Variants in PRSS23 observed in about 807,000 individuals in gnomAD.
PRSS23 encodes serine protease 23.
PRSS23 carries 25 observed loss-of-function variants against 34.7 expected under a neutral mutation model. The observed-to-expected ratio is 0.72, with a 90% confidence interval of 0.53 to 1.01. The LOEUF is 1.01. PRSS23 is among the 50% of genes least tolerant of loss of function. The probability of loss-of-function intolerance (pLI) is 0.00; values close to 1 mark genes in which losing one functional copy is unlikely to be tolerated. For synonymous variants in PRSS23, 176 were observed against 186.6 expected, an observed-to-expected ratio of 0.94 and a Z score of 0.46; for missense variants, 445 against 475.6, an observed-to-expected ratio of 0.94 and a Z score of 0.60.
chr11:86,880,168 G>A (rs373848011), intron 2 of PRSS23, among the ~76,000 whole-genome samples: 2 of 152,098 alleles, frequency 1.3e-5, no homozygotes, highest in Non-Finnish European at 1.5e-5. Flanking sequence ...GCTCTCTGAA[G>A]CATGTGCTGT....
chr11:86,828,951 G>T (rs1948327178), intron 2 of PRSS23, among the ~76,000 whole-genome samples: 1 of 151,960 alleles, frequency 6.6e-6, no homozygotes, highest in Non-Finnish European at 1.5e-5. Flanking sequence ...TTCAACTTTG[G>T]TGAATCTGAC....
chr11:86,834,423 G>A (rs1948386192), intron 2 of PRSS23, among the ~76,000 whole-genome samples: 1 of 152,006 alleles, frequency 6.6e-6, no homozygotes, highest in Non-Finnish European at 1.5e-5. Context: ...CCCAAACTAG[G>A]GGTCCTTCTA....
intron 2 of PRSS23, among the ~76,000 whole-genome samples, chr11:86,845,804 G>T (rs543216534): frequency 6.6e-6 from 1 of 152,232 alleles, no homozygotes; most frequent in East Asian, 1.9e-4. Context: ...AATGTTAACT[G>T]CTCATTTTTC....
chr11:86,952,498 CAA>C, exon 3 of PRSS23: 1 of 1,603,332 alleles, frequency 6.2e-7, no homozygotes, highest in Non-Finnish European at 8.5e-7. Flanking sequence ...TGAACACACA[CAA>C]AAAAAACAAT....
chr11:86,935,107 C>T (rs909725730), intron 2 of PRSS23: 3 of 152,232 alleles, frequency 2.0e-5, no homozygotes, highest in Non-Finnish European at 4.4e-5. Context: ...ACAGGGCCCC[C>T]AGGCAATAAC....
intron 2 of PRSS23, among the ~76,000 whole-genome samples, chr11:86,873,420 A>G (rs1035206120): frequency 1.3e-5 from 2 of 151,528 alleles, no homozygotes; most frequent in African/African-American, 4.9e-5. Flanking sequence ...AGCCTCCTAC[A>G]GGCATGCACC....
chr11:86,835,115 G>A (rs930241214), intron 2 of PRSS23, among the ~76,000 whole-genome samples: 2 of 152,238 alleles, frequency 1.3e-5, no homozygotes, highest in Non-Finnish European at 2.9e-5. Context: ...CAAGTGTGCA[G>A]TTGCAGCACT....
intron 2 of PRSS23, chr11:86,896,564 T>G (rs1346541643): frequency 1.3e-5 from 2 of 152,242 alleles, no homozygotes; most frequent in African/African-American, 2.4e-5. Flanking sequence ...ACCCTTTTTG[T>G]AATTCTCCCC....
chr11:86,857,581 GAC>G (rs1161306031), intron 2 of PRSS23: 1 of 491,584 alleles, frequency 2.0e-6, no homozygotes, highest in African/African-American at 2.0e-5. Flanking sequence ...AAACTAAGAA[GAC>G]ACAGAGGTGA....
chr11:86,801,510 T>A (rs1185250625), intron 1 of PRSS23, among the ~76,000 whole-genome samples: 3 of 152,180 alleles, frequency 2.0e-5, no homozygotes, highest in Non-Finnish European at 4.4e-5. Flanking sequence ...TAGGGCTTGC[T>A]TCTCTCAGCT....
chr11:86,848,876 A>T (rs1370896863), intron 2 of PRSS23, among the ~76,000 whole-genome samples: 1 of 152,242 alleles, frequency 6.6e-6, no homozygotes, highest in East Asian at 1.9e-4. Flanking sequence ...GGAGCAGGCC[A>T]ATTGCCTAGT....
intron 2 of PRSS23, among the ~76,000 whole-genome samples, chr11:86,860,735 GT>G (rs1948607100): frequency 6.6e-6 from 1 of 151,786 alleles, no homozygotes; most frequent in South Asian, 2.1e-4. Flanking sequence ...TTGGCCGGTG[GT>G]TTGACCCCCC....
Position 86,810,986 on chromosome 11 carries a change from A to G in PRSS23, c.*2191A>G, listed in dbSNP as rs1015573531. On this transcript the variant is annotated 3_prime_UTR_variant, in exon 2 of 2. Transcript: ENST00000280258. ...TGTTAGTTATACATATTAGAAGCAT[A>G]TTTGCCTAGTAAGGCTAGTAGAACC... 2 of 166,784 alleles carry G rather than the reference A, an allele frequency of 1.2e-5. No individual in the cohort carries two copies. The highest frequency in any genetic ancestry group is 2.4e-5 in the African/African-American group (1 of 41,462). The allele number at this position is 166,784 out of a possible 1,614,324, so 10.3% of individuals were successfully genotyped here. A position where few individuals can be genotyped will look rare whatever the true frequency, so the allele number is the denominator to read the frequency against.
intron 2 of PRSS23, among the ~76,000 whole-genome samples, chr11:86,868,480 T>C (rs1275796954): frequency 6.6e-6 from 1 of 152,072 alleles, no homozygotes; most frequent in African/African-American, 2.4e-5. Context: ...TGACCGATAT[T>C]AGGAGGAACA....
At chr11:86,815,819 C>G (rs1209310359), downstream of PRSS23, among the ~76,000 whole-genome samples, 13 of 152,160 alleles carry the variant, frequency 8.5e-5, no homozygotes, top group Non-Finnish European at 1.2e-4. Flanking sequence ...GAGTTCTGTG[C>G]TATCCATCAC....
intron 2 of PRSS23, chr11:86,823,739 G>C (rs1425707968): frequency 1.3e-5 from 8 of 616,732 alleles, no homozygotes; most frequent in Non-Finnish European, 8.8e-6. Flanking sequence ...GGGCGCGGTG[G>C]CTCACGCCTG....
chr11:86,835,836 C>T (rs927156371), intron 2 of PRSS23, among the ~76,000 whole-genome samples: 14 of 152,142 alleles, frequency 9.2e-5, no homozygotes, highest in African/African-American at 3.4e-4. Context: ...CTTGATGGCA[C>T]AAGGTTTCTG....
At chr11:86,879,855 C>G (rs1374718383) in intron 2 of PRSS23, among the ~76,000 whole-genome samples, 2 of 141,190 alleles carry the variant, frequency 1.4e-5, no homozygotes, top group East Asian at 2.3e-4. Context: ...CCAGCCGCCC[C>G]GTCCGGGAGG....
At chr11:86,854,894 C>T (rs1303354504) in intron 2 of PRSS23, among the ~76,000 whole-genome samples, 2 of 152,148 alleles carry the variant, frequency 1.3e-5, no homozygotes, top group African/African-American at 2.4e-5. Context: ...GGGCCAGGTG[C>T]GGTTGCTCAC....
Sources: gnomAD v4.1 joint callset for allele counts (sites outside exome capture counted in the v4.1 genomes callset) on GRCh38, gnomAD v4.1.1 for gene constraint, MANE v1.5 for transcripts, NCBI Gene and HGNC (gene_info 2026-07-23, HGNC 2026-07-21) for gene names.